The following NEBL variants were observed in gnomAD, a reference collection of about 807,000 sequenced individuals.
NEBL encodes LIM and SH3 protein 2.
NEBL carries 122 observed loss-of-function variants against 140.2 expected under a neutral mutation model. The observed-to-expected ratio is 0.87, with a 90% CI of 0.75 to 1.01. The LOEUF is 1.01. NEBL is among the 50% of genes least tolerant of loss of function. The pLI is 0.00. For missense variants in NEBL, 1,365 were observed against 1,231.3 expected, an observed-to-expected ratio of 1.11 and a Z score of -1.62; for synonymous variants, 436 against 398.9, an observed-to-expected ratio of 1.09 and a Z score of -1.11.
At chr10:21,286,464 A>C (rs544996805) in intron 1 of NEBL, among the ~76,000 whole-genome samples, 5 of 152,344 alleles carry the variant, frequency 3.3e-5, no homozygotes, top group Admixed American at 3.3e-4. Flanking sequence ...GTTACTAAAC[A>C]TGTTATCTTG....
At chr10:20,828,161 G>C (rs1840071562) in intron 17 of NEBL, among the ~76,000 whole-genome samples, 1 of 151,906 alleles carries the variant, frequency 6.6e-6, no homozygotes, top group African/African-American at 2.4e-5. Context: ...ATGAGTAAAT[G>C]GTTAGACATA....
At chr10:20,870,907 C>T (rs567542423) in intron 5 of NEBL, among the ~76,000 whole-genome samples, 46 of 152,282 alleles carry the variant, frequency 3.0e-4, no homozygotes, top group African/African-American at 1.0e-3. Context: ...GAAAGAGAGA[C>T]AAAAATTGAA....
At position 21,114,201 on chromosome 10, in the gene NEBL, G is replaced by A. The variant is rs1003610286; in HGVS notation, c.164+58182C>T. On this transcript the variant is annotated intron_variant, in intron 2 of 6. Coordinates refer to the NEBL transcript ENST00000417816. ...GTATTGATTCAAGTTATTCAAGTGT[G>A]TTGTGTGGTTTCCAAATATTTGGGG... Among the ~76,000 whole-genome samples, 4 of 152,152 alleles carry A rather than the reference G, an allele frequency of 2.6e-5. No individual in the cohort carries two copies. The East Asian group carries it at 7.7e-4, about 29-fold the overall frequency.
At chr10:21,276,270 C>T (rs1842924440) in intron 1 of NEBL, among the ~76,000 whole-genome samples, 1 of 152,154 alleles carries the variant, frequency 6.6e-6, no homozygotes, top group African/African-American at 2.4e-5. Flanking sequence ...CCACGCCCAG[C>T]CCAACTTACC....
At chr10:21,149,013 G>A (rs1023171701) in intron 2 of NEBL, among the ~76,000 whole-genome samples, 2 of 152,226 alleles carry the variant, frequency 1.3e-5, no homozygotes, top group African/African-American at 4.8e-5. Flanking sequence ...CCTGCACAGA[G>A]AGCCCAAGAA....
intron 7 of NEBL, among the ~76,000 whole-genome samples, chr10:20,866,214 G>C (rs1213875031): frequency 6.6e-6 from 1 of 152,076 alleles, no homozygotes; most frequent in Non-Finnish European, 1.5e-5. Flanking sequence ...ACCATTCTGG[G>C]AAGGGGGCGT....
At chr10:21,186,988 A>G (rs1009736995) in intron 3 of NEBL, among the ~76,000 whole-genome samples, 16 of 141,888 alleles carry the variant, frequency 1.1e-4, no homozygotes, top group Admixed American at 3.6e-4. Context: ...CCAACTCTGT[A>G]TGTGTGTGTG....
At chr10:20,978,193 TAAATA>T (rs1458401563) in intron 3 of NEBL, among the ~76,000 whole-genome samples, 1 of 152,140 alleles carries the variant, frequency 6.6e-6, no homozygotes, top group Non-Finnish European at 1.5e-5. Flanking sequence ...TATCCAACCA[TAAATA>T]TTCCATCTTC....
At chr10:20,850,348 A>G in intron 11 of NEBL, 47 bp downstream of exon 11, 2 of 1,408,192 alleles carry the variant, frequency 1.4e-6, no homozygotes, top group South Asian at 1.2e-5. Flanking sequence ...CAAATGACAA[A>G]ACATCAAATT....
chr10:20,937,868 G>A (rs910968758), intron 4 of NEBL, among the ~76,000 whole-genome samples: 3 of 152,138 alleles, frequency 2.0e-5, no homozygotes, highest in Admixed American at 1.3e-4. Flanking sequence ...AGATCAAACT[G>A]CAAGGCGGCA....
chr10:21,257,770 A>C (rs1032448701), intron 1 of NEBL, among the ~76,000 whole-genome samples: 8 of 152,108 alleles, frequency 5.3e-5, no homozygotes, highest in Non-Finnish European at 1.0e-4. Flanking sequence ...CTGTAGTCCC[A>C]GCTACTTGGG....
chr10:20,889,845 C>G lies in NEBL; in HGVS notation c.258G>C (p.Glu86Asp), dbSNP rs766119291. 3.8e-6 allele frequency: 6 copies of G among 1,595,284 alleles called. No individual in the cohort carries two copies. Among genetic ancestry groups the G allele is most frequent in the Non-Finnish European group, 5.2e-6 (6 of 1,162,984 alleles). The change falls in exon 3 of 28, where the codon GAG becomes GAC. Residue 86 changes from glutamate to aspartate, a missense_variant and splice_region_variant. Glu to Asp is a conservative substitution (Grantham distance 45). Coordinates refer to ENST00000377122, the MANE Select transcript of NEBL (RefSeq NM_006393.3). Reference protein sequence around the residue: ...HVKNIGAFISEAKYKGTIKAD... With the variant: ...HVKNIGAFISDAKYKGTIKAD... ...AGTTTGCAAGCTTTTGATACCTTAC[C>G]TCAGAAATAAAAGCACCGATATTTT... is the stretch of plus-strand genomic sequence containing the variant.
intron 3 of NEBL, among the ~76,000 whole-genome samples, chr10:20,971,487 G>A (rs1253743768): frequency 2.7e-5 from 4 of 147,910 alleles, no homozygotes. Context: ...GGGTACATGT[G>A]CACATTGTGC....
intron 26 of NEBL, among the ~76,000 whole-genome samples, chr10:20,808,118 C>T (rs1040434272): frequency 2.0e-5 from 3 of 151,828 alleles, no homozygotes; most frequent in Non-Finnish European, 4.4e-5. Flanking sequence ...CCCAATATTA[C>T]TGTAAGATTG....
exon 1 of NEBL, chr10:21,174,075 C>G: frequency 7.5e-6 from 8 of 1,069,536 alleles, no homozygotes; most frequent in Non-Finnish European, 9.1e-6. Context: ...GCTCCGGCTC[C>G]GCGCCGCTGG....
chr10:21,264,696 TAAAAAAAAAAAAAAAAAAAA>T lies in NEBL; in HGVS notation n.183-12888_183-12869del, dbSNP rs71392177. Among the ~76,000 whole-genome samples, 37 of 30,724 alleles carry T rather than the reference TAAAAAAAAAAAAAAAAAAAA, an allele frequency of 1.2e-3. 1 individual carries two copies. Among genetic ancestry groups the T allele is most frequent in the African/African-American group, 2.9e-3 (23 of 7,950 alleles). 20.2% of individuals were successfully genotyped at this position (30,724 alleles called of 152,430 possible). A position where few individuals can be genotyped will look rare whatever the true frequency, so the allele number is the denominator to read the frequency against. ...CCCTTAATTTGTTCCAGTTGCTATTTAAAAAAAAAAAAAAAAAAAAAAAAAAAAAAAAAAAAAGCCTTACA... is the reference window on the plus strand; with the variant it reads ...CCCTTAATTTGTTCCAGTTGCTATTTAAAAAAAAAAAAAAAAAGCCTTACA... On this transcript the variant is annotated intron_variant and non_coding_transcript_variant, in intron 1 of 8. Coordinates refer to the NEBL transcript ENST00000675702.
chr10:21,067,708 C>T (rs768157124), intron 2 of NEBL, among the ~76,000 whole-genome samples: 14 of 152,080 alleles, frequency 9.2e-5, no homozygotes, highest in East Asian at 1.9e-4. Flanking sequence ...AGGCTAGGCA[C>T]GGTGGCTCCT....
chr10:21,127,370 G>C (rs1352168274), intron 2 of NEBL, among the ~76,000 whole-genome samples: 1 of 152,094 alleles, frequency 6.6e-6, no homozygotes. Context: ...GACTTCTAGA[G>C]AAGTCCATTG....
intron 2 of NEBL, among the ~76,000 whole-genome samples, chr10:21,053,056 T>G (rs1241551105): frequency 6.6e-6 from 1 of 152,218 alleles, no homozygotes; most frequent in African/African-American, 2.4e-5. Flanking sequence ...GATATCCTAA[T>G]GCCTTGATTT....
Sources: allele counts gnomAD v4.1 joint callset (sites outside exome capture counted in the v4.1 genomes callset), GRCh38; gene constraint gnomAD v4.1.1; transcripts MANE v1.5; gene names NCBI Gene and HGNC (gene_info 2026-07-23, HGNC 2026-07-21).